Variants in CSNK2A2IP observed in about 807,000 individuals in gnomAD.
CSNK2A2IP encodes casein kinase II subunit alpha'-interacting protein.
the CSNK2A2IP span, chr3:88,466,476 A>G: frequency 2.4e-6 from 3 of 1,231,894 alleles, no homozygotes; most frequent in Non-Finnish European, 3.0e-6. Flanking sequence ...GTCAATTATT[A>G]TCAAGCTCCA....
the CSNK2A2IP span, among the ~76,000 whole-genome samples, chr3:88,398,425 C>G: frequency 1.3e-5 from 2 of 152,086 alleles, no homozygotes. Context: ...AAGGACCCCA[C>G]TAATATGAAC....
chr3:88,379,754 C>T, the CSNK2A2IP span, among the ~76,000 whole-genome samples: 2 of 152,052 alleles, frequency 1.3e-5, no homozygotes, highest in East Asian at 1.9e-4. Flanking sequence ...ATTGTTAGGC[C>T]AATCATGACA....
At chr3:88,360,369 G>A in the CSNK2A2IP span, among the ~76,000 whole-genome samples, 2 of 152,062 alleles carry the variant, frequency 1.3e-5, no homozygotes, top group Non-Finnish European at 2.9e-5. Context: ...TCCTGACCTT[G>A]TGATCCACCC....
chr3:88,420,924 G>C, the CSNK2A2IP span, among the ~76,000 whole-genome samples: 2 of 152,096 alleles, frequency 1.3e-5, no homozygotes, highest in Non-Finnish European at 2.9e-5. Flanking sequence ...CTGAGATATA[G>C]ATTGAAATAT....
At chr3:88,402,235 A>G in the CSNK2A2IP span, among the ~76,000 whole-genome samples, 1 of 152,052 alleles carries the variant, frequency 6.6e-6, no homozygotes, top group Non-Finnish European at 1.5e-5. Context: ...TTTTATGTTC[A>G]CCAAAACAAT....
chr3:88,379,884 G>A, the CSNK2A2IP span, among the ~76,000 whole-genome samples: 1 of 151,958 alleles, frequency 6.6e-6, no homozygotes, highest in Non-Finnish European at 1.5e-5. Flanking sequence ...AACATGCTAA[G>A]GCTATCTCAT....
At chr3:88,390,905 C>G in the CSNK2A2IP span, among the ~76,000 whole-genome samples, 1 of 152,052 alleles carries the variant, frequency 6.6e-6, no homozygotes, top group African/African-American at 2.4e-5. Flanking sequence ...TTTATAGATC[C>G]TACCTAAAAG....
At chr3:88,454,545 T>A in the CSNK2A2IP span, among the ~76,000 whole-genome samples, 1 of 151,940 alleles carries the variant, frequency 6.6e-6, no homozygotes, top group African/African-American at 2.4e-5. Flanking sequence ...TTATATAGTT[T>A]TAGGTTTTAC....
At chr3:88,466,920 T>A in the CSNK2A2IP span, 1 of 1,231,224 alleles carries the variant, frequency 8.1e-7, no homozygotes, top group Non-Finnish European at 1.0e-6. Flanking sequence ...AATTAGTTCT[T>A]ATCCTTTCTC....
chr3:88,449,011 A>C, the CSNK2A2IP span, among the ~76,000 whole-genome samples: 2 of 152,066 alleles, frequency 1.3e-5, no homozygotes, highest in African/African-American at 4.8e-5. Flanking sequence ...TGTCCTAAAA[A>C]AGAGAATATT....
the CSNK2A2IP span, among the ~76,000 whole-genome samples, chr3:88,379,291 A>T: frequency 6.6e-6 from 1 of 152,018 alleles, no homozygotes; most frequent in Non-Finnish European, 1.5e-5. Context: ...CTGGTTTCAG[A>T]ATAAACGCCT....
At chr3:88,360,443 G>A in the CSNK2A2IP span, among the ~76,000 whole-genome samples, 1 of 152,022 alleles carries the variant, frequency 6.6e-6, no homozygotes, top group Admixed American at 6.6e-5. Flanking sequence ...AAGAGTTTTT[G>A]TCTTGAAATC....
chr3:88,367,055 T>C, the CSNK2A2IP span, among the ~76,000 whole-genome samples: 1 of 152,002 alleles, frequency 6.6e-6, no homozygotes, highest in Non-Finnish European at 1.5e-5. Flanking sequence ...CCACAATACA[T>C]GGGAATTATG....
the CSNK2A2IP span, among the ~76,000 whole-genome samples, chr3:88,343,863 C>CA: frequency 2.6e-5 from 4 of 151,728 alleles, no homozygotes; most frequent in East Asian, 3.9e-4. Flanking sequence ...TGGTAGAACA[C>CA]AAAAAAATGC....
the CSNK2A2IP span, among the ~76,000 whole-genome samples, chr3:88,438,362 C>T: frequency 6.6e-6 from 1 of 152,106 alleles, no homozygotes; most frequent in African/African-American, 2.4e-5. Context: ...CCTTCTTTCT[C>T]CTGTTTACCT....
At chr3:88,453,189 C>T in the CSNK2A2IP span, among the ~76,000 whole-genome samples, 438 of 152,112 alleles carry the variant, frequency 2.9e-3, 2 homozygotes, top group African/African-American at 9.8e-3. Flanking sequence ...GAGTTATTCT[C>T]TTAGAATGAT....
At chr3:88,350,262 T>C in the CSNK2A2IP span, among the ~76,000 whole-genome samples, 3 of 152,278 alleles carry the variant, frequency 2.0e-5, no homozygotes, top group South Asian at 6.2e-4. Context: ...CTTTCTTCTT[T>C]TTCATTTTTC....
chr3:88,434,861 G>A, the CSNK2A2IP span, among the ~76,000 whole-genome samples: 6 of 152,270 alleles, frequency 3.9e-5, no homozygotes, highest in East Asian at 1.2e-3. Context: ...GACTGATAAA[G>A]GTACTGATGG....
the CSNK2A2IP span, among the ~76,000 whole-genome samples, chr3:88,406,031 A>G: frequency 6.6e-6 from 1 of 152,154 alleles, no homozygotes; most frequent in Non-Finnish European, 1.5e-5. Flanking sequence ...TCTGGTTTTA[A>G]GACTCTATAA....
Sources: gnomAD v4.1 joint callset for allele counts (sites outside exome capture counted in the v4.1 genomes callset) on GRCh38, gnomAD v4.1.1 for gene constraint, MANE v1.5 for transcripts, NCBI Gene and HGNC (gene_info 2026-07-23, HGNC 2026-07-21) for gene names.